Variants in SCAF11 observed in about 807,000 individuals in gnomAD.
The protein encoded by SCAF11 is protein SCAF11.
A neutral mutation model predicts 140.5 loss-of-function variants in SCAF11; 47 were observed. The observed-to-expected ratio is 0.33, with a 90% CI of 0.26 to 0.43. The LOEUF is 0.43. Ranked by LOEUF, SCAF11 falls within the 20% of genes least tolerant of loss-of-function variation. The probability of loss-of-function intolerance (pLI) is 1.00; values close to 1 mark genes in which losing one functional copy is unlikely to be tolerated. For synonymous variants in SCAF11, 557 were observed against 579.4 expected (o/e 0.96, Z 0.55); for missense variants, 1,645 against 1,705.1 (o/e 0.96, Z 0.62).
intron 1 of SCAF11, among the ~76,000 whole-genome samples, chr12:45,983,940 T>C (rs1350668315): frequency 6.6e-6 from 1 of 152,190 alleles, no homozygotes; most frequent in Non-Finnish European, 1.5e-5. Context: ...GGTTTAAATT[T>C]ACTCAAGAGG....
In SCAF11 at chr12:45,928,670, G is replaced by C; in HGVS notation, c.1031C>G (p.Ser344Cys). 1 of 1,614,064 alleles carries C rather than the reference G, an allele frequency of 6.2e-7. No homozygotes were observed. Among genetic ancestry groups the C allele is most frequent in the South Asian group, 1.1e-5 (1 of 91,074 alleles). Reference sequence around the variant, plus strand: ...ACTGTTACCTGGGGCATCACACCCAGAATTGTCTGATATTGGGGATCTCTG... The same window carrying C: ...ACTGTTACCTGGGGCATCACACCCACAATTGTCTGATATTGGGGATCTCTG... ...QSQRSPISDNSGCDAPGNSNP... is the reference protein window; with the variant it reads ...QSQRSPISDNCGCDAPGNSNP... The change falls in exon 11 of 15, where the codon TCT becomes TGT. Residue 344 changes from serine to cysteine, a missense_variant. Ser to Cys is a moderately radical substitution (Grantham distance 112, BLOSUM62 -1). Around this residue, in one of 2 missense-constraint regions of SCAF11, gnomAD observed 1,582 missense variants for 1,609.2 expected, o/e 0.98. Coordinates refer to ENST00000369367, the MANE Select transcript of SCAF11 (RefSeq NM_004719.3).
In SCAF11 at chr12:45,920,627, T is replaced by C. The variant is rs1243715899; in HGVS notation, c.*1421A>G. On this transcript the variant is annotated 3_prime_UTR_variant, in exon 15 of 15. Coordinates refer to ENST00000369367, the MANE Select transcript of SCAF11 (RefSeq NM_004719.3). ...AAAGAGAAAAAAAAAAAAACCCAAA[T>C]CCCTAATCCCTGAAAGGCTAACCAG... 2 of 151,672 alleles carry C rather than the reference T, an allele frequency of 1.3e-5. No individual in the cohort carries two copies. The highest frequency in any genetic ancestry group is 3.9e-4 in the East Asian group (2 of 5,166). The allele number at this position is 151,672 out of a possible 1,614,324, so 9.4% of individuals were successfully genotyped here.
intron 7 of SCAF11, 21 bp from the exon 8 acceptor site, chr12:45,934,306 T>C (rs1357470131): frequency 6.6e-7 from 1 of 1,513,312 alleles, no homozygotes; most frequent in Admixed American, 1.8e-5. Context: ...AAAAAGTAGT[T>C]AGTGAAACAG....
intron 13 of SCAF11, among the ~76,000 whole-genome samples, 171 bp from the exon 14 acceptor site, chr12:45,922,753 AATT>A (rs1345294077): frequency 1.3e-5 from 2 of 152,248 alleles, no homozygotes; most frequent in African/African-American, 4.8e-5. Flanking sequence ...TTCTAAAAAC[AATT>A]ATAAAATATT....
At chr12:45,987,017 A>G (rs965716920) in intron 1 of SCAF11, among the ~76,000 whole-genome samples, 3 of 152,186 alleles carry the variant, frequency 2.0e-5, no homozygotes, top group Non-Finnish European at 4.4e-5. Context: ...CTTCTATATT[A>G]AGACAAATGA....
intron 2 of SCAF11, 125 bp from the exon 3 acceptor site, chr12:45,961,982 T>C: frequency 1.7e-6 from 1 of 582,026 alleles, no homozygotes; most frequent in East Asian, 3.3e-5. Flanking sequence ...AGATCTTAGA[T>C]AAATTATAGC....
At chr12:45,925,703 T>C (rs1592163604) in intron 11 of SCAF11, among the ~76,000 whole-genome samples, 3 of 152,250 alleles carry the variant, frequency 2.0e-5, no homozygotes, top group Admixed American at 2.0e-4. Flanking sequence ...AATTTTTACA[T>C]CTTCAACAGC....
In SCAF11 at chr12:45,919,999, GTTCTAA is replaced by G. The variant is rs1944668071; in HGVS notation, c.*2043_*2048del. 1.3e-5 allele frequency: 2 copies of G among 152,296 alleles called. No individual in the cohort carries two copies. The highest frequency in any genetic ancestry group is 4.1e-4 in the South Asian group (2 of 4,826). The allele number at this position is 152,296 out of a possible 1,614,324, so 9.4% of individuals were successfully genotyped here. A position where few individuals can be genotyped will look rare whatever the true frequency, so the allele number is the denominator to read the frequency against. ...CAATGTTCACAAAATTGTTTCTAGA[GTTCTAA>G]TCTAAAACAACTAAGGAGGTGTGCC... On this transcript the variant is annotated 3_prime_UTR_variant, in exon 15 of 15. Transcript: ENST00000369367.
In SCAF11 at chr12:45,927,872, T is replaced by C. The variant is rs200780296; in HGVS notation, c.1829A>G (p.Lys610Arg). Reference protein sequence around the residue: ...LKTEELIESPKLESSEGEIIQ... With the variant: ...LKTEELIESPRLESSEGEIIQ... ...AATTTCACCCTCAGAAGATTCTAACTTGGGGCTCTCTATAAGCTCCTCTGT... is the reference window on the plus strand; with the variant it reads ...AATTTCACCCTCAGAAGATTCTAACCTGGGGCTCTCTATAAGCTCCTCTGT... The change falls in exon 11 of 15, where the codon AAG (lysine) becomes AGG (arginine). Residue 610 changes from lysine to arginine, a missense_variant. Physicochemically the swap from Lys to Arg is conservative, Grantham distance 26. Transcript: ENST00000369367. The C allele has an allele frequency of 1.4e-5, 23 of 1,613,764 alleles. No homozygotes were observed. In the East Asian group the frequency reaches 5.1e-4, roughly 36 times the overall value.
At chr12:45,934,027 C>T in intron 8 of SCAF11, 149 bp downstream of exon 8, 1 of 521,174 alleles carries the variant, frequency 1.9e-6, no homozygotes. Context: ...GCTAGTTTAC[C>T]TTCCCCCCCG....
At chr12:45,930,456 G>GTTTTTTTTTTTT (rs35174436) in intron 10 of SCAF11, among the ~76,000 whole-genome samples, 1 of 130,686 alleles carries the variant, frequency 7.7e-6, no homozygotes, top group African/African-American at 2.8e-5. Flanking sequence ...TTTTTTTTTT[G>GTTTTTTTTTTTT]TTTTTTTTTT....
chr12:45,922,777 T>C (rs1230475647), intron 13 of SCAF11, among the ~76,000 whole-genome samples, 159 bp downstream of exon 13: 2 of 152,248 alleles, frequency 1.3e-5, no homozygotes, highest in African/African-American at 4.8e-5. Flanking sequence ...ACCAGTAATT[T>C]ACTGGACATC....
At chr12:45,962,411 T>C (rs1165905190) in intron 2 of SCAF11, among the ~76,000 whole-genome samples, 2 of 152,184 alleles carry the variant, frequency 1.3e-5, no homozygotes, top group Non-Finnish European at 2.9e-5. Flanking sequence ...AGTATATCTG[T>C]AGTGTAAGTT....
intron 1 of SCAF11, among the ~76,000 whole-genome samples, chr12:45,977,206 G>A (rs970854698): frequency 4.0e-5 from 6 of 151,858 alleles, no homozygotes; most frequent in Non-Finnish European, 7.4e-5. Context: ...TTTATATTCT[G>A]CTCCTCATCA....
intron 3 of SCAF11, among the ~76,000 whole-genome samples, chr12:45,956,575 A>G (rs1457994339): frequency 6.6e-6 from 1 of 152,186 alleles, no homozygotes; most frequent in Non-Finnish European, 1.5e-5. Flanking sequence ...TTATACCAGC[A>G]TTCAGGAGTG....
chr12:45,934,599 T>C, intron 6 of SCAF11, 94 bp from the exon 7 acceptor site: 1 of 714,282 alleles, frequency 1.4e-6, no homozygotes, highest in Non-Finnish European at 2.2e-6. Context: ...TGGCAAGGGT[T>C]GAAATACGTA....
intron 1 of SCAF11, among the ~76,000 whole-genome samples, chr12:45,987,945 T>A (rs6582580): frequency 0.12 from 18,576 of 152,172 alleles, 3,630 homozygotes; most frequent in African/African-American, 0.41. Flanking sequence ...TGTACTAGGA[T>A]TTCATACATT....
chr12:45,927,633 C>T lies in SCAF11; in HGVS notation c.2068G>A (p.Glu690Lys), dbSNP rs746901923. 3.5e-5 allele frequency: 56 copies of T among 1,612,084 alleles called. No individual in the cohort carries two copies. In the Admixed American group the frequency reaches 5.0e-4, roughly 14 times the overall value. ...GGCAACTCTGTAGATCTAGGATGTT[C>T]GGTCAGCGATTCATTCTTTTCTTCT... ...SLEEKNESLT[E>K]HPRSTELPKT... Residue 690 changes from glutamate (E) to lysine (K), a missense_variant, in exon 11 of 15, where the codon GAA (glutamate) becomes AAA (lysine). Transcript: ENST00000369367.
At chr12:45,972,370 C>A (rs1946092951) in intron 1 of SCAF11, among the ~76,000 whole-genome samples, 1 of 151,832 alleles carries the variant, frequency 6.6e-6, no homozygotes. Flanking sequence ...CTGCTTAAAG[C>A]TAGTAGTTAG....
Sources: gnomAD v4.1 joint callset for allele counts (sites outside exome capture counted in the v4.1 genomes callset) on GRCh38, gnomAD v4.1.1 for gene constraint, gnomAD v4.1.1 regional missense constraint, MANE v1.5 for transcripts, NCBI Gene and HGNC (gene_info 2026-07-23, HGNC 2026-07-21) for gene names.